The following PCDHGB3 variants were observed in gnomAD, a reference collection of about 807,000 sequenced individuals.
PCDHGB3 encodes the protein protocadherin gamma-B3.
PCDHGB3 carries 40 observed loss-of-function variants against 59.2 expected under a neutral mutation model. That is an observed-to-expected ratio of 0.68 (90% confidence interval 0.52 to 0.88). PCDHGB3 has a LOEUF of 0.88. Ranked by LOEUF, PCDHGB3 falls within the 40% of genes least tolerant of loss-of-function variation. The pLI is 0.00. For missense variants in PCDHGB3, 1,309 were observed against 1,187.9 expected, an observed-to-expected ratio of 1.10 and a Z score of -1.50; for synonymous variants, 581 against 503.6, an observed-to-expected ratio of 1.15 and a Z score of -2.06.
In PCDHGB3 at chr5:141,371,978, C is replaced by T; in HGVS notation, c.1584C>T (p.Phe528=). 1.9e-6 allele frequency: 3 copies of T among 1,613,240 alleles called. No individual in the cohort carries two copies. The highest frequency in any genetic ancestry group is 2.5e-6 in the Non-Finnish European group (3 of 1,179,782). Residue 528 remains phenylalanine (F), a synonymous_variant, in exon 1 of 4, where the codon TTC becomes TTT. Coordinates refer to ENST00000576222, the MANE Select transcript of PCDHGB3 (RefSeq NM_018924.5). ...RAFDHEQLRA[F]ELTLQARDQG... Reference sequence around the variant, plus strand: ...TCGACCACGAGCAGCTGCGTGCCTTCGAGCTCACTCTGCAGGCCCGCGACC... The same window carrying T: ...TCGACCACGAGCAGCTGCGTGCCTTTGAGCTCACTCTGCAGGCCCGCGACC...
chr5:141,427,260 AC>A (rs1388196814), intron 1 of PCDHGB3: 1 of 456,770 alleles, frequency 2.2e-6, no homozygotes, highest in Admixed American at 2.3e-5. Flanking sequence ...TGGAGGCATG[AC>A]CAGCGAATGT....
intron 1 of PCDHGB3, chr5:141,375,687 G>A (rs1588775167): frequency 6.2e-7 from 1 of 1,614,258 alleles, no homozygotes. Flanking sequence ...GTGACAGCCA[G>A]CGACAGCGGG....
At chr5:141,429,500 A>C (rs1050435175) in intron 1 of PCDHGB3, among the ~76,000 whole-genome samples, 1 of 152,148 alleles carries the variant, frequency 6.6e-6, no homozygotes, top group Non-Finnish European at 1.5e-5. Flanking sequence ...CAGTTGCCTG[A>C]AACTGTGCCT....
chr5:141,430,580 G>A, intron 1 of PCDHGB3: 1 of 478,526 alleles, frequency 2.1e-6, no homozygotes, highest in Admixed American at 3.8e-5. Context: ...CGGAGATCCT[G>A]CTCGCCTTGC....
chr5:141,478,102 C>T, intron 1 of PCDHGB3: 1 of 1,614,126 alleles, frequency 6.2e-7, no homozygotes, highest in South Asian at 1.1e-5. Flanking sequence ...CTGCTACCCT[C>T]ACTGTGTCAG....
intron 1 of PCDHGB3, chr5:141,404,856 G>C (rs1405688914): frequency 6.2e-7 from 1 of 1,613,890 alleles, no homozygotes; most frequent in Admixed American, 1.7e-5. Flanking sequence ...CTGCTAGATA[G>C]AGATGCGCTC....
At position 141,489,662 on chromosome 5, in the gene PCDHGB3, G is replaced by A. The variant is rs2233601; in HGVS notation, c.2416-5145G>A. On this transcript the variant is annotated intron_variant, in intron 1 of 3. Coordinates refer to ENST00000576222, the MANE Select transcript of PCDHGB3 (RefSeq NM_018924.5). This position sits in a 1 kb window ranked among gnomAD's most constrained non-coding sequence, Gnocchi z 4.5. ...TTTGCCACCCCTGAGCGAGAGATGC[G>A]CATCTCAGAATCAGCAGCATCTGGG... The A allele has an allele frequency of 4.0e-4, 649 of 1,614,144 alleles. 2 individuals are homozygous for A. The highest frequency in any genetic ancestry group is 1.5e-3 in the Middle Eastern group (9 of 6,062).
Position 141,400,535 on chromosome 5 carries a change from T to C in PCDHGB3, c.2415+27726T>C, listed in dbSNP as rs753705723. 2.5e-6 allele frequency: 4 copies of C among 1,613,958 alleles called. No individual in the cohort carries two copies. In the South Asian group the frequency reaches 4.4e-5, roughly 18 times the overall value. ...TCCCATCCTGAGTTGGTGAGTTTCATTTATGTCTATTCTTTTTCATTACCC... is the reference window on the plus strand; with the variant it reads ...TCCCATCCTGAGTTGGTGAGTTTCACTTATGTCTATTCTTTTTCATTACCC... On this transcript the variant is annotated intron_variant, in intron 1 of 3. Transcript: ENST00000576222.
At chr5:141,492,578 G>A (rs1380328678) in intron 1 of PCDHGB3, among the ~76,000 whole-genome samples, 1 of 152,216 alleles carries the variant, frequency 6.6e-6, no homozygotes, top group Non-Finnish European at 1.5e-5. Flanking sequence ...CGAGGCGCGG[G>A]GCCAGGAGCG....
intron 2 of PCDHGB3, among the ~76,000 whole-genome samples, chr5:141,504,443 A>C (rs1043353401): frequency 2.0e-5 from 3 of 152,070 alleles, no homozygotes; most frequent in African/African-American, 4.8e-5. Context: ...CAGTGTGACT[A>C]GTGCCATGTG....
Position 141,371,659 on chromosome 5 carries a change from T to A in PCDHGB3, c.1265T>A (p.Ile422Asn), listed in dbSNP as rs762117464. Reference sequence around the variant, plus strand: ...CAGATCCCAGAATACAATGTGACGATCACAGCTACCGACAAAGGCAATCCA... The same window carrying A: ...CAGATCCCAGAATACAATGTGACGAACACAGCTACCGACAAAGGCAATCCA... ...REQIPEYNVT[I>N]TATDKGNPPL... Residue 422 changes from isoleucine to asparagine, a missense_variant, in exon 1 of 4, where the codon ATC (isoleucine) becomes AAC (asparagine). Transcript: ENST00000576222. 2.5e-6 allele frequency: 4 copies of A among 1,613,850 alleles called. No homozygotes were observed.
At chr5:141,495,960 C>G (rs1380397345) in intron 2 of PCDHGB3, among the ~76,000 whole-genome samples, 2 of 151,998 alleles carry the variant, frequency 1.3e-5, no homozygotes, top group East Asian at 3.9e-4. Context: ...CTTTTTCTGC[C>G]TCTTTCTCTG....
intron 1 of PCDHGB3, among the ~76,000 whole-genome samples, chr5:141,386,522 C>CT (rs35543697): frequency 1 from 152,285 of 152,292 alleles, 76,139 homozygotes; most frequent in Middle Eastern, 1. Flanking sequence ...CAAAAAAAGA[C>CT]TCTTTTTAGA....
chr5:141,430,155 A>G (rs1440666899), intron 1 of PCDHGB3, among the ~76,000 whole-genome samples: 7 of 152,184 alleles, frequency 4.6e-5, no homozygotes, highest in Admixed American at 1.3e-4. Flanking sequence ...CATTCAAGGA[A>G]TCTATTTAAA....
chr5:141,387,742 C>T, intron 1 of PCDHGB3: 5 of 1,340,938 alleles, frequency 3.7e-6, no homozygotes, highest in Non-Finnish European at 5.0e-6. Context: ...CTTTACACCG[C>T]TTCCTCCTCG....
chr5:141,467,681 A>G (rs2099148744), intron 1 of PCDHGB3, among the ~76,000 whole-genome samples: 1 of 152,076 alleles, frequency 6.6e-6, no homozygotes, highest in African/African-American at 2.4e-5. Flanking sequence ...TATTTTTTTT[A>G]GACAGGGTCT....
chr5:141,386,463 C>T (rs2090584678), intron 1 of PCDHGB3, among the ~76,000 whole-genome samples: 1 of 152,034 alleles, frequency 6.6e-6, no homozygotes, highest in Admixed American at 6.6e-5. Context: ...ACAGCTTGAA[C>T]CCAAGAATTG....
rs1767227314 is a variant in PCDHGB3 at position 141,370,825 on chromosome 5, AACTGGCTCTC to A, written c.437_446del (p.Ala146GlufsTer14). On this transcript the variant is annotated frameshift_variant, in exon 1 of 4. Coordinates refer to ENST00000576222, the MANE Select transcript of PCDHGB3 (RefSeq NM_018924.5). LOFTEE classifies it high-confidence loss of function. ...AATATCACTGAGCTGGAAATCAGCG[AACTGGCTCTC>A]ACTGGAGCCACATTTGCCCTGGAAT... 1.9e-6 allele frequency: 3 copies of A among 1,614,070 alleles called. No homozygotes were observed. The highest frequency in any genetic ancestry group is 3.3e-5 in the Admixed American group (2 of 60,028).
intron 1 of PCDHGB3, chr5:141,376,531 G>T (rs1240526589): frequency 3.7e-6 from 6 of 1,613,608 alleles, no homozygotes; most frequent in Non-Finnish European, 5.1e-6. Context: ...CGCCTAAGCG[G>T]GAAGAGTAAT....
Sources: allele counts gnomAD v4.1 joint callset (sites outside exome capture counted in the v4.1 genomes callset), GRCh38; gene constraint gnomAD v4.1.1; non-coding constraint Gnocchi (gnomAD v3.1); transcripts MANE v1.5; gene names NCBI Gene and HGNC (gene_info 2026-07-23, HGNC 2026-07-21).